Variants in SYNPR observed in about 807,000 individuals in gnomAD.
SYNPR encodes the protein synaptoporin.
SYNPR carries 23 observed loss-of-function variants against 32.9 expected under a neutral mutation model. The ratio of observed to expected loss-of-function variants is 0.70; its 90% CI spans 0.50 to 0.99. The LOEUF is 0.99. Ranked by LOEUF, SYNPR falls within the 50% of genes least tolerant of loss-of-function variation. SYNPR has a pLI of 0.00. For synonymous variants in SYNPR, 146 were observed against 135.9 expected, an observed-to-expected ratio of 1.07 and a Z score of -0.52; for missense variants, 318 against 349.3, an observed-to-expected ratio of 0.91 and a Z score of 0.71.
intron 2 of SYNPR, among the ~76,000 whole-genome samples, chr3:63,304,913 G>GA (rs1474874488): frequency 2.0e-5 from 3 of 151,946 alleles, no homozygotes; most frequent in Non-Finnish European, 2.9e-5. Context: ...AACAGATCTT[G>GA]ATTTCAGTCC....
chr3:63,312,398 C>T (rs1403698), intron 2 of SYNPR, among the ~76,000 whole-genome samples: 1 of 151,942 alleles, frequency 6.6e-6, no homozygotes, highest in Admixed American at 6.6e-5. Flanking sequence ...TCTCTATTTC[C>T]TTAGTCAGCT....
intron 3 of SYNPR, among the ~76,000 whole-genome samples, chr3:63,515,845 G>A (rs1701787988): frequency 6.6e-6 from 1 of 152,036 alleles, no homozygotes; most frequent in African/African-American, 2.4e-5. Flanking sequence ...CACGAAAAAG[G>A]TAGCTTAATC....
intron 4 of SYNPR, among the ~76,000 whole-genome samples, chr3:63,569,674 C>T (rs925213207): frequency 2.6e-5 from 4 of 152,240 alleles, no homozygotes; most frequent in African/African-American, 9.6e-5. Context: ...CAAGCGTAGG[C>T]CCAGTGCTGG....
intron 3 of SYNPR, among the ~76,000 whole-genome samples, chr3:63,495,799 G>T (rs1238638917): frequency 6.6e-6 from 1 of 152,118 alleles, no homozygotes; most frequent in African/African-American, 2.4e-5. Context: ...GAGATGTGGG[G>T]TGTGGAAGGA....
chr3:63,335,589 T>A (rs570636907), intron 2 of SYNPR, among the ~76,000 whole-genome samples: 1 of 152,082 alleles, frequency 6.6e-6, no homozygotes, highest in African/African-American at 2.4e-5. Flanking sequence ...ACCTGAGAGC[T>A]TCCTCTGATC....
intron 5 of SYNPR, among the ~76,000 whole-genome samples, chr3:63,612,211 C>G (rs1700208687): frequency 6.6e-6 from 1 of 152,108 alleles, no homozygotes; most frequent in Non-Finnish European, 1.5e-5. Flanking sequence ...TGAAACAATT[C>G]AGTGAGATAA....
At chr3:63,286,370 A>G (rs1044777769) in intron 2 of SYNPR, among the ~76,000 whole-genome samples, 6 of 152,220 alleles carry the variant, frequency 3.9e-5, no homozygotes, top group Admixed American at 3.3e-4. Flanking sequence ...TGAAAGAGAC[A>G]CAGTGGCCCC....
intron 1 of SYNPR, among the ~76,000 whole-genome samples, chr3:63,242,634 C>T (rs542049759): frequency 2.0e-5 from 3 of 152,042 alleles, no homozygotes; most frequent in African/African-American, 7.2e-5. Context: ...TTCATATCTC[C>T]AAAACCCAGA....
chr3:63,538,868 T>A (rs547179107), intron 3 of SYNPR, among the ~76,000 whole-genome samples: 1 of 152,266 alleles, frequency 6.6e-6, no homozygotes, highest in Admixed American at 6.5e-5. Flanking sequence ...TCAATATGAA[T>A]CTCACACATT....
intron 3 of SYNPR, among the ~76,000 whole-genome samples, chr3:63,532,178 T>C (rs1702124441): frequency 6.6e-6 from 1 of 152,216 alleles, no homozygotes; most frequent in African/African-American, 2.4e-5. Flanking sequence ...AATTAAACCA[T>C]CCTCTTTGAA....
At chr3:63,429,138 G>A (rs939012252) in intron 2 of SYNPR, among the ~76,000 whole-genome samples, 1 of 152,122 alleles carries the variant, frequency 6.6e-6, no homozygotes, top group Non-Finnish European at 1.5e-5. Flanking sequence ...CATATAGGTG[G>A]TTATAATCCT....
chr3:63,271,330 C>T (rs1237507543), intron 3 of SYNPR, among the ~76,000 whole-genome samples: 1 of 152,114 alleles, frequency 6.6e-6, no homozygotes, highest in African/African-American at 2.4e-5. Context: ...AGTCCATTTT[C>T]TAATATCTTC....
chr3:63,287,534 C>A (rs557784482), intron 2 of SYNPR, among the ~76,000 whole-genome samples: 25 of 152,206 alleles, frequency 1.6e-4, no homozygotes, highest in Admixed American at 7.2e-4. Context: ...TGCTCATCAG[C>A]GCATTTTATG....
chr3:63,351,795 A>ATAAAGC (rs1016081588), intron 2 of SYNPR, among the ~76,000 whole-genome samples: 1 of 152,232 alleles, frequency 6.6e-6, no homozygotes, highest in African/African-American at 2.4e-5. Flanking sequence ...TGGTGACAAG[A>ATAAAGC]TAAAGCCCAT....
intron 2 of SYNPR, among the ~76,000 whole-genome samples, chr3:63,429,845 C>G (rs769891864): frequency 6.6e-6 from 1 of 152,190 alleles, no homozygotes. Flanking sequence ...CCATGGGGCT[C>G]TAAGTGTGCC....
intron 2 of SYNPR, among the ~76,000 whole-genome samples, chr3:63,440,946 C>G (rs1234314104): frequency 6.6e-6 from 1 of 152,126 alleles, no homozygotes; most frequent in Admixed American, 6.5e-5. Context: ...TGGGGACAGC[C>G]GAGAAGTTAC....
intron 2 of SYNPR, among the ~76,000 whole-genome samples, chr3:63,355,650 T>C (rs772761071): frequency 6.6e-6 from 1 of 152,142 alleles, no homozygotes; most frequent in Non-Finnish European, 1.5e-5. Context: ...TGCTTTCGTT[T>C]TCATCCTCCA....
At chr3:63,519,382 T>G (rs1021770526) in intron 3 of SYNPR, among the ~76,000 whole-genome samples, 1 of 152,220 alleles carries the variant, frequency 6.6e-6, no homozygotes, top group South Asian at 2.1e-4. Context: ...CTTATAGGAT[T>G]GTTAAAAGGA....
the SYNPR span, among the ~76,000 whole-genome samples, chr3:63,206,901 T>C: frequency 6.6e-6 from 1 of 152,200 alleles, no homozygotes; most frequent in Non-Finnish European, 1.5e-5. Flanking sequence ...AATCTGGGGC[T>C]GTGCCTGGAG....
Sources: gnomAD v4.1 joint callset for allele counts (sites outside exome capture counted in the v4.1 genomes callset) on GRCh38, gnomAD v4.1.1 for gene constraint, MANE v1.5 for transcripts, NCBI Gene and HGNC (gene_info 2026-07-23, HGNC 2026-07-21) for gene names.